The following HAT1 variants were observed in gnomAD, a reference collection of about 807,000 sequenced individuals.
The protein encoded by HAT1 is histone acetyltransferase type B catalytic subunit.
Under a neutral mutation model 56.6 loss-of-function variants are expected in HAT1, and 20 were observed. The observed-to-expected ratio is 0.35, with a 90% confidence interval of 0.25 to 0.51. HAT1 has a LOEUF of 0.51. HAT1 is among the 20% of genes least tolerant of loss of function. The pLI, the probability that HAT1 is intolerant of heterozygous loss-of-function variation, is 0.95. For synonymous variants in HAT1, 146 were observed against 165.5 expected (o/e 0.88, Z 0.91); for missense variants, 408 against 504.3 (o/e 0.81, Z 1.83).
Position 171,979,274 on chromosome 2 carries a change from C to A in HAT1, c.1003C>A (p.Leu335Ile). ...ACACGCTAGAAGGGTTTATGAAATT[C>A]TTCGACTACTGGTAACTGACATGAG... The part of the protein sequence containing the change: ...KQHARRVYEI[L>I]RLLVTDMSDA... Residue 335 changes from leucine to isoleucine, a missense_variant, in exon 10 of 11, where the codon CTT (leucine) becomes ATT (isoleucine). Coordinates refer to ENST00000264108, the MANE Select transcript of HAT1 (RefSeq NM_003642.4). 6.3e-7 allele frequency: 1 copy of A among 1,583,774 alleles called. No individual in the cohort carries two copies. Among genetic ancestry groups the A allele is most frequent in the South Asian group, 1.2e-5 (1 of 86,650 alleles).
chr2:171,976,879 A>G (rs1303088459), intron 9 of HAT1, among the ~76,000 whole-genome samples: 1 of 152,218 alleles, frequency 6.6e-6, no homozygotes, highest in Admixed American at 6.5e-5. Context: ...TTGGATTATG[A>G]AAGTATGTGA....
chr2:171,923,790 G>A (rs982277391), intron 1 of HAT1: 6 of 152,182 alleles, frequency 3.9e-5, no homozygotes, highest in Non-Finnish European at 8.8e-5. Context: ...CGAATTTTGG[G>A]CCCATCATTT....
chr2:171,934,953 G>A (rs998681879), intron 2 of HAT1, among the ~76,000 whole-genome samples: 18 of 150,930 alleles, frequency 1.2e-4, no homozygotes, highest in African/African-American at 3.9e-4. Flanking sequence ...GCGGGGTTTC[G>A]CCATGTTGGC....
intron 2 of HAT1, among the ~76,000 whole-genome samples, chr2:171,933,322 G>T (rs1450821952): frequency 6.6e-6 from 1 of 152,192 alleles, no homozygotes; most frequent in Non-Finnish European, 1.5e-5. Context: ...GCCTCCCAAA[G>T]TGTTAGGATT....
chr2:171,979,209 C>G, intron 9 of HAT1, 38 bp from the exon 10 acceptor site: 2 of 932,948 alleles, frequency 2.1e-6, no homozygotes, highest in Non-Finnish European at 3.4e-6. Flanking sequence ...ATTATTTTTA[C>G]TTTGAAAATG....
intron 4 of HAT1, among the ~76,000 whole-genome samples, chr2:171,960,375 A>T (rs143306211): frequency 6.6e-6 from 1 of 152,172 alleles, no homozygotes; most frequent in African/African-American, 2.4e-5. Flanking sequence ...TAGAAGAAAT[A>T]GGTTTAAGTG....
Position 171,966,481 on chromosome 2 carries a change from T to C in HAT1, c.684T>C (p.Tyr228=), listed in dbSNP as rs1305320017. ...GCTACATGACAGTCTATAATTACTA[T>C]GTGTACCCAGACAAAACCCGGCCAC... is the stretch of plus-strand genomic sequence containing the variant. ...TVGYMTVYNY[Y]VYPDKTRPRV... Residue 228 remains tyrosine (Y), a synonymous_variant, in exon 7 of 11, where the codon TAT becomes TAC. Transcript: ENST00000264108. 1.9e-6 allele frequency: 3 copies of C among 1,592,158 alleles called. No individual in the cohort carries two copies. Among genetic ancestry groups the C allele is most frequent in the Admixed American group, 1.7e-5 (1 of 59,992 alleles).
intron 8 of HAT1, among the ~76,000 whole-genome samples, chr2:171,967,485 A>G (rs1393044712): frequency 6.6e-6 from 1 of 152,132 alleles, no homozygotes; most frequent in Non-Finnish European, 1.5e-5. Flanking sequence ...GATTAGCCAT[A>G]GAAGTAGTAG....
In HAT1 at chr2:171,960,375, A is replaced by G. The variant is rs143306211; in HGVS notation, c.310-4963A>G. On this transcript the variant is annotated intron_variant, in intron 4 of 10. Coordinates refer to ENST00000264108, the MANE Select transcript of HAT1 (RefSeq NM_003642.4). ...TAACTGGGAAAACTATAGAAGAAATAGGTTTAAGTGGAAACAATAAAAAAA... is the reference window on the plus strand; with the variant it reads ...TAACTGGGAAAACTATAGAAGAAATGGGTTTAAGTGGAAACAATAAAAAAA... Among the ~76,000 whole-genome samples, 25 of 152,290 alleles carry G rather than the reference A, an allele frequency of 1.6e-4. No homozygotes were observed. In the East Asian group the frequency reaches 3.5e-3, roughly 21 times the overall value.
At chr2:171,930,681 T>A (rs1243304486) in intron 2 of HAT1, among the ~76,000 whole-genome samples, 2 of 152,144 alleles carry the variant, frequency 1.3e-5, no homozygotes, top group African/African-American at 2.4e-5. Context: ...GTGGCGTGAT[T>A]GTGGCTCACT....
In HAT1 at chr2:171,977,553, ATATATTTTTTTT is replaced by A. The variant is rs1475319676; in HGVS notation, c.975+1247_975+1258del. 5.5e-3 allele frequency among the ~76,000 whole-genome samples: 60 copies of A among 10,936 alleles called. 1 individual carries two copies. The highest frequency in any genetic ancestry group is 0.02 in the Admixed American group (12 of 598). 7.2% of individuals were successfully genotyped at this position (10,936 alleles called of 152,430 possible). ...TATATATATATATATATATATATATATATATTTTTTTTTTTTTTTTTTTTTTAATGGTGCTTT... is the reference window on the plus strand; with the variant it reads ...TATATATATATATATATATATATATATTTTTTTTTTTTTTAATGGTGCTTT... On this transcript the variant is annotated intron_variant, in intron 9 of 10. Transcript: ENST00000264108.
chr2:171,963,342 A>G (rs756071260), intron 4 of HAT1, among the ~76,000 whole-genome samples: 1 of 152,056 alleles, frequency 6.6e-6, no homozygotes, highest in Non-Finnish European at 1.5e-5. Context: ...TATTACAGGA[A>G]ATAGACATCC....
chr2:171,922,661 C>T, intron 1 of HAT1, 154 bp downstream of exon 1: 1 of 547,588 alleles, frequency 1.8e-6, no homozygotes, highest in Non-Finnish European at 2.9e-6. Flanking sequence ...ACTCTCAGCC[C>T]AGCAGCTCCT....
chr2:171,975,932 T>C (rs1406848896), intron 8 of HAT1, among the ~76,000 whole-genome samples: 3 of 149,370 alleles, frequency 2.0e-5, no homozygotes, highest in Non-Finnish European at 4.4e-5. Flanking sequence ...GAGTGACTCT[T>C]AGGTTATATT....
chr2:171,951,090 C>G (rs984553640), intron 3 of HAT1, among the ~76,000 whole-genome samples: 1 of 152,200 alleles, frequency 6.6e-6, no homozygotes, highest in African/African-American at 2.4e-5. Flanking sequence ...GGATTACAGG[C>G]GTGAGCCACT....
chr2:171,979,327 A>G lies in HAT1; in HGVS notation c.1056A>G (p.Arg352=), dbSNP rs1227580820. 1 of 1,598,642 alleles carries G rather than the reference A, an allele frequency of 6.3e-7. No homozygotes were observed. Among genetic ancestry groups the G allele is most frequent in the Admixed American group, 1.7e-5 (1 of 59,968 alleles). ...MSDAEQYRSY[R]LDIKRRLISP... ...ATGCCGAACAATACAGAAGCTACAG[A>G]CTGGATATTAAAAGAAGACTAATTA... Residue 352 remains arginine (R), a synonymous_variant, in exon 10 of 11, where the codon AGA becomes AGG. Coordinates refer to ENST00000264108, the MANE Select transcript of HAT1 (RefSeq NM_003642.4).
chr2:171,922,531 C>T (rs745461346), intron 1 of HAT1, 24 bp downstream of exon 1: 4 of 1,316,256 alleles, frequency 3.0e-6, no homozygotes, highest in Admixed American at 3.0e-5. Context: ...AAAAGTTTAC[C>T]AAGGGGAGGA....
intron 3 of HAT1, among the ~76,000 whole-genome samples, chr2:171,950,643 A>G (rs1687285352): frequency 6.6e-6 from 1 of 151,984 alleles, no homozygotes; most frequent in Non-Finnish European, 1.5e-5. Context: ...AGGTGGGACT[A>G]TAGACACGTG....
chr2:171,931,861 G>A (rs926376959), intron 2 of HAT1, among the ~76,000 whole-genome samples: 1 of 152,156 alleles, frequency 6.6e-6, no homozygotes, highest in African/African-American at 2.4e-5. Context: ...CTATTACAAT[G>A]TCAAATGGAA....
Sources: gnomAD v4.1 joint callset for allele counts (sites outside exome capture counted in the v4.1 genomes callset) on GRCh38, gnomAD v4.1.1 for gene constraint, MANE v1.5 for transcripts, NCBI Gene and HGNC (gene_info 2026-07-23, HGNC 2026-07-21) for gene names.